The following TTC17 variants were observed in gnomAD, a reference collection of about 807,000 sequenced individuals.
TTC17 encodes tetratricopeptide repeat domain 17.
In TTC17, 58 loss-of-function variants were observed where a neutral mutation model predicts 143.8. The ratio of observed to expected loss-of-function variants is 0.40; its 90% CI spans 0.33 to 0.50. The LOEUF is 0.50. Among genes scored for constraint, TTC17 ranks in the 20% least tolerant of loss-of-function variants. TTC17 has a pLI of 0.49. For synonymous variants in TTC17, 501 were observed against 497.8 expected, an observed-to-expected ratio of 1.01 and a Z score of -0.09; for missense variants, 1,273 against 1,392.5, an observed-to-expected ratio of 0.91 and a Z score of 1.37.
chr11:43,461,390 CAAAAAAAAAAAA>C (rs750240102), intron 21 of TTC17, among the ~76,000 whole-genome samples: 4 of 36,062 alleles, frequency 1.1e-4, no homozygotes, highest in South Asian at 2.7e-3. Flanking sequence ...AACTCCGTCT[CAAAAAAAAAAAA>C]AAAAAAAAAA....
chr11:43,464,626 A>G (rs1947936362), intron 21 of TTC17, among the ~76,000 whole-genome samples: 1 of 152,226 alleles, frequency 6.6e-6, no homozygotes, highest in South Asian at 2.1e-4. Context: ...AAGAAGGTCA[A>G]CAATCTTAGA....
chr11:43,439,638 T>G (rs923993113), intron 16 of TTC17, among the ~76,000 whole-genome samples: 2 of 151,880 alleles, frequency 1.3e-5, no homozygotes, highest in Admixed American at 6.6e-5. Flanking sequence ...CTGGGCTAAT[T>G]TTTGTATTTT....
intron 21 of TTC17, among the ~76,000 whole-genome samples, chr11:43,459,190 G>T (rs1947819084): frequency 6.6e-6 from 1 of 152,194 alleles, no homozygotes; most frequent in South Asian, 2.1e-4. Flanking sequence ...GATGTCACAT[G>T]AATTGACTAA....
rs376163127 is a variant in TTC17 at position 43,473,319 on chromosome 11, A to G, written c.3031-16920A>G. ...TGATACAGTGTAAAAGATATGGTAT[A>G]TCAGCACATGTGGGATGCAGTTAAA... On this transcript the variant is annotated intron_variant, in intron 21 of 23. Transcript: ENST00000039989. 9.3e-4 allele frequency among the ~76,000 whole-genome samples: 142 copies of G among 152,358 alleles called. 2 individuals are homozygous for G. In the Middle Eastern group the frequency reaches 0.01, roughly 11 times the overall value.
chr11:43,405,107 T>G (rs1179444087), intron 11 of TTC17, among the ~76,000 whole-genome samples: 2 of 151,552 alleles, frequency 1.3e-5, no homozygotes, highest in Non-Finnish European at 2.9e-5. Context: ...TTTTTTTTTT[T>G]TTTTCTTCAC....
Position 43,407,509 on chromosome 11 carries a change from A to G in TTC17, c.1996A>G (p.Ile666Val). 3 of 1,613,998 alleles carry G rather than the reference A, an allele frequency of 1.9e-6. No homozygotes were observed. Among genetic ancestry groups the G allele is most frequent in the Non-Finnish European group, 2.5e-6 (3 of 1,179,972 alleles). ...VPLVNLANLLIHYGLHLDATK... is the reference protein window; with the variant it reads ...VPLVNLANLLVHYGLHLDATK... ...TCTTGTCAACTTGGCCAACCTTTTG[A>G]TTCATTACGGCCTTCATCTTGATGC... Residue 666 changes from isoleucine (I) to valine (V), a missense_variant, in exon 15 of 24, where the codon ATT becomes GTT. By Grantham distance (29) the Ile-to-Val change is conservative. This residue lies in a region of TTC17 where 878 missense variants were observed against 899.8 expected (regional missense o/e 0.98). Transcript: ENST00000039989.
rs1409800139 is a variant in TTC17, at chr11:43,404,111, C to T, written c.1446C>T (p.Leu482=). The change falls in exon 11 of 24, where the codon CTC becomes CTT. Residue 482 remains leucine, a synonymous_variant. Coordinates refer to ENST00000039989, the MANE Select transcript of TTC17 (RefSeq NM_018259.6). ...VKSSPVAHSI[L]WIWGRDSDAY... is the part of the protein sequence containing the mutation. ...CTTCTCCCGTAGCCCATTCTATTCT[C>T]TGGATTTGGGGCAGGGACTCTGATG... The T allele has an allele frequency of 6.2e-7, 1 of 1,612,800 alleles. No individual in the cohort carries two copies. Among genetic ancestry groups the T allele is most frequent in the Non-Finnish European group, 8.5e-7 (1 of 1,179,474 alleles).
intron 21 of TTC17, among the ~76,000 whole-genome samples, chr11:43,467,240 C>T (rs930130712): frequency 2.0e-5 from 3 of 152,152 alleles, no homozygotes; most frequent in African/African-American, 7.2e-5. Context: ...CATAGCTATA[C>T]CATTCACAGT....
In TTC17 at chr11:43,441,039, G is replaced by T. The variant is rs780307764; in HGVS notation, c.2252-2286G>T. The stretch of plus-strand genomic sequence containing the variant: ...AATCCAAGCACTTAGAGAGCCTGAG[G>T]TGGGCGGATCACCTGAGACCAGGAG... On this transcript the variant is annotated intron_variant, in intron 16 of 23. Coordinates refer to ENST00000039989, the MANE Select transcript of TTC17 (RefSeq NM_018259.6). Among the ~76,000 whole-genome samples, 72 of 151,656 alleles carry T rather than the reference G, an allele frequency of 4.7e-4. 1 individual carries two copies. The highest frequency in any genetic ancestry group is 1.0e-3 in the Admixed American group (16 of 15,242).
At chr11:43,388,526 CT>C (rs558306466) in intron 2 of TTC17, among the ~76,000 whole-genome samples, 1,739 of 144,234 alleles carry the variant, frequency 0.012, 12 homozygotes, top group Non-Finnish European at 0.019. Flanking sequence ...CTTGAACTCC[CT>C]TTTTTTTTTT....
chr11:43,372,575 C>G (rs1448215252), intron 1 of TTC17, among the ~76,000 whole-genome samples: 2 of 151,894 alleles, frequency 1.3e-5, no homozygotes, highest in Non-Finnish European at 2.9e-5. Flanking sequence ...ACTGCAACCT[C>G]CACCTCCCGG....
intron 10 of TTC17, among the ~76,000 whole-genome samples, chr11:43,402,079 A>G (rs1590361055): frequency 6.6e-6 from 1 of 152,232 alleles, no homozygotes; most frequent in East Asian, 1.9e-4. Context: ...ATGTTTACGA[A>G]GTCAGATTTT....
intron 16 of TTC17, among the ~76,000 whole-genome samples, chr11:43,428,677 C>A (rs760246951): frequency 6.6e-6 from 1 of 152,212 alleles, no homozygotes; most frequent in Non-Finnish European, 1.5e-5. Context: ...ACCAATTCAG[C>A]TCTAAATTCT....
intron 16 of TTC17, among the ~76,000 whole-genome samples, chr11:43,423,805 A>G (rs1590396318): frequency 6.6e-6 from 1 of 152,204 alleles, no homozygotes; most frequent in East Asian, 1.9e-4. Flanking sequence ...TAATTGGTAA[A>G]TGAATAAACT....
intron 3 of TTC17, chr11:43,390,458 CA>C (rs1857334790): frequency 6.7e-6 from 1 of 148,300 alleles, no homozygotes; most frequent in Admixed American, 6.7e-5. Context: ...ACTAAAAATG[CA>C]AAACAAATTA....
Position 43,391,550 on chromosome 11 carries a change from A to G in TTC17, c.505A>G (p.Ser169Gly). ...TACTAAAATTCTAGAACTTCCATATAGTATACATGCTTTTCAGCACTTGAG... is the reference window on the plus strand; with the variant it reads ...TACTAAAATTCTAGAACTTCCATATGGTATACATGCTTTTCAGCACTTGAG... ...DCTKILELPY[S>G]IHAFQHLRGV... The change falls in exon 4 of 24, where the codon AGT becomes GGT. Residue 169 changes from serine (S) to glycine (G), a missense_variant. Coordinates refer to ENST00000039989, the MANE Select transcript of TTC17 (RefSeq NM_018259.6). 6.3e-7 allele frequency: 1 copy of G among 1,597,282 alleles called. No homozygotes were observed. The highest frequency in any genetic ancestry group is 8.5e-7 in the Non-Finnish European group (1 of 1,175,546).
chr11:43,416,590 A>G (rs1422066884), intron 16 of TTC17, among the ~76,000 whole-genome samples: 1 of 152,170 alleles, frequency 6.6e-6, no homozygotes, highest in African/African-American at 2.4e-5. Flanking sequence ...TCAGAGTTGT[A>G]GTATCTGATA....
chr11:43,473,896 A>AAAG (rs1564979778), intron 21 of TTC17, among the ~76,000 whole-genome samples: 36 of 151,742 alleles, frequency 2.4e-4, no homozygotes, highest in African/African-American at 8.7e-4. Flanking sequence ...AAAAAAAAAA[A>AAAG]AAAGAAAGAA....
intron 16 of TTC17, among the ~76,000 whole-genome samples, chr11:43,438,484 T>A (rs1947341983): frequency 6.6e-6 from 1 of 152,186 alleles, no homozygotes. Flanking sequence ...GTTTGTCTAA[T>A]TCCTTAGAAT....
Sources: gnomAD v4.1 joint callset for allele counts (sites outside exome capture counted in the v4.1 genomes callset) on GRCh38, gnomAD v4.1.1 for gene constraint, gnomAD v4.1.1 regional missense constraint, MANE v1.5 for transcripts, NCBI Gene and HGNC (gene_info 2026-07-23, HGNC 2026-07-21) for gene names.